LAMC3: variants seen among roughly 807,000 people sequenced by gnomAD.
LAMC3 encodes the protein laminin subunit gamma-3.
Under a neutral mutation model 173.8 loss-of-function variants are expected in LAMC3, and 128 were observed. That is an observed-to-expected ratio of 0.74 (90% CI 0.64 to 0.85). The LOEUF (loss-of-function observed/expected upper bound fraction) is 0.85, where lower values mean the gene tolerates loss of function less well. Among genes scored for constraint, LAMC3 ranks in the 40% least tolerant of loss-of-function variants. The pLI, the probability that LAMC3 is intolerant of heterozygous loss-of-function variation, is 0.00. For synonymous variants in LAMC3, 897 were observed against 909.1 expected, an observed-to-expected ratio of 0.99 and a Z score of 0.24; for missense variants, 2,022 against 2,156.0, an observed-to-expected ratio of 0.94 and a Z score of 1.23.
intron 13 of LAMC3, among the ~76,000 whole-genome samples, chr9:131,064,069 G>A (rs900824225): frequency 6.6e-6 from 1 of 152,014 alleles, no homozygotes; most frequent in Non-Finnish European, 1.5e-5. Flanking sequence ...CACCATGCCC[G>A]GCTAATGTTT....
At chr9:131,036,442 G>C (rs1833947340) in intron 4 of LAMC3, 110 bp downstream of exon 4, 1 of 1,171,198 alleles carries the variant, frequency 8.5e-7, no homozygotes, top group African/African-American at 1.5e-5. Flanking sequence ...TACGCCCCGG[G>C]GGCAGCTCGG....
Position 131,067,163 on chromosome 9 carries a change from T to C in LAMC3, c.2551T>C (p.Tyr851His). Residue 851 changes from tyrosine to histidine, a missense_variant, in exon 14 of 28, where the codon TAC becomes CAC. Transcript: ENST00000361069. ...DHCEHCQEGF[Y>H]GSALAPRPAD... The stretch of plus-strand genomic sequence containing the variant: ...CTGTGAGCACTGTCAGGAAGGCTTC[T>C]ACGGGAGCGCCCTGGCCCCTCGACC... 1.2e-6 allele frequency: 2 copies of C among 1,614,168 alleles called. No individual in the cohort carries two copies. Among genetic ancestry groups the C allele is most frequent in the Non-Finnish European group, 1.7e-6 (2 of 1,180,034 alleles).
At chr9:131,089,144 G>A (rs1056061805) in intron 27 of LAMC3, among the ~76,000 whole-genome samples, 2 of 140,590 alleles carry the variant, frequency 1.4e-5, no homozygotes, top group African/African-American at 5.4e-5. Context: ...TCAGACACAG[G>A]GTGGGGAACA....
At chr9:131,057,844 C>T (rs1293307287) in intron 12 of LAMC3, among the ~76,000 whole-genome samples, 1 of 152,252 alleles carries the variant, frequency 6.6e-6, no homozygotes, top group Non-Finnish European at 1.5e-5. Context: ...ATGAAAGTCT[C>T]TACTTTTCAG....
chr9:131,068,045 G>C, intron 14 of LAMC3, 33 bp from the exon 15 acceptor site: 3 of 1,604,270 alleles, frequency 1.9e-6, no homozygotes, highest in Non-Finnish European at 2.5e-6. Flanking sequence ...AATCTGCATT[G>C]TTCCCAACAC....
At chr9:131,045,221 C>CAAAA (rs58637956) in intron 7 of LAMC3, among the ~76,000 whole-genome samples, 13 of 111,976 alleles carry the variant, frequency 1.2e-4, no homozygotes, top group East Asian at 7.4e-4. Context: ...GACTCTGTCT[C>CAAAA]AAAAAAAAAA....
At chr9:131,065,991 G>C (rs1231152124) in intron 13 of LAMC3, among the ~76,000 whole-genome samples, 1 of 152,104 alleles carries the variant, frequency 6.6e-6, no homozygotes, top group Non-Finnish European at 1.5e-5. Flanking sequence ...TCAGGAGTTC[G>C]AGACCAGCAG....
chr9:131,012,983 A>G (rs1211573267), intron 1 of LAMC3, among the ~76,000 whole-genome samples: 1 of 152,202 alleles, frequency 6.6e-6, no homozygotes, highest in African/African-American at 2.4e-5. Flanking sequence ...CCAGCCCACC[A>G]CCAAGGCCCA....
At chr9:131,032,927 C>T (rs1833870758) in intron 3 of LAMC3, among the ~76,000 whole-genome samples, 1 of 152,246 alleles carries the variant, frequency 6.6e-6, no homozygotes, top group African/African-American at 2.4e-5. Context: ...CTTGGCCTCC[C>T]AAAGTGCTGG....
Position 131,069,737 on chromosome 9 carries a change from A to C in LAMC3, c.2956A>C (p.Arg986=). ...QCHENGTCVC[R]PGFEGYKCDR... ...CCACGAGAACGGCACATGCGTGTGC[A>C]GGCCTGGCTTCGAGGGCTACAAATG... is the stretch of plus-strand genomic sequence containing the variant. Residue 986 remains arginine (R), a synonymous_variant, in exon 17 of 28, where the codon AGG becomes CGG. Coordinates refer to ENST00000361069, the MANE Select transcript of LAMC3 (RefSeq NM_006059.4). 6.2e-7 allele frequency: 1 copy of C among 1,601,870 alleles called. No homozygotes were observed. Among genetic ancestry groups the C allele is most frequent in the Non-Finnish European group, 8.5e-7 (1 of 1,175,114 alleles).
At position 131,069,743 on chromosome 9, in the gene LAMC3, G is replaced by A; in HGVS notation, c.2962G>A (p.Gly988Ser). 1 of 1,599,418 alleles carries A rather than the reference G, an allele frequency of 6.3e-7. No homozygotes were observed. The stretch of plus-strand genomic sequence containing the variant: ...GAACGGCACATGCGTGTGCAGGCCT[G>A]GCTTCGAGGGCTACAAATGTGACCG... ...HENGTCVCRP[G>S]FEGYKCDRCH... The change falls in exon 17 of 28, where the codon GGC becomes AGC. Residue 988 changes from glycine to serine, a missense_variant. By Grantham distance (56) the Gly-to-Ser change is moderately conservative (BLOSUM62 0). Transcript: ENST00000361069.
At chr9:131,050,987 A>G (rs1401437738) in intron 9 of LAMC3, among the ~76,000 whole-genome samples, 1 of 152,094 alleles carries the variant, frequency 6.6e-6, no homozygotes, top group Admixed American at 6.5e-5. Context: ...CAGCCGGGGC[A>G]TGTGGCCACC....
chr9:131,092,079 CTG>C lies in LAMC3; in HGVS notation c.*298_*299del, dbSNP rs1398816879. On this transcript the variant is annotated 3_prime_UTR_variant, in exon 28 of 28. Transcript: ENST00000361069. ...AACATACACACGTGAGGGTGCATGT[CTG>C]TGTGTATGACCCACACGTGTTCAAG... 6 of 493,920 alleles carry C rather than the reference CTG, an allele frequency of 1.2e-5. No individual in the cohort carries two copies. The highest frequency in any genetic ancestry group is 7.8e-5 in the African/African-American group (4 of 51,534). 30.6% of individuals were successfully genotyped at this position (493,920 alleles called of 1,614,324 possible).
At chr9:131,065,411 C>T (rs1281815063) in intron 13 of LAMC3, among the ~76,000 whole-genome samples, 1 of 152,060 alleles carries the variant, frequency 6.6e-6, no homozygotes, top group South Asian at 2.1e-4. Context: ...GTTCAGAAAA[C>T]ATGAGAAACA....
intron 1 of LAMC3, among the ~76,000 whole-genome samples, chr9:131,024,687 G>C (rs752514278): frequency 4.6e-5 from 7 of 152,312 alleles, no homozygotes; most frequent in Non-Finnish European, 7.3e-5. Flanking sequence ...TGCGTGGGCC[G>C]TTCTTCCCTT....
intron 8 of LAMC3, among the ~76,000 whole-genome samples, chr9:131,046,760 A>G (rs1432137679): frequency 1.3e-5 from 2 of 152,016 alleles, no homozygotes; most frequent in African/African-American, 4.8e-5. Context: ...GGAGCTCTGC[A>G]TTAAACCAGA....
rs199754227 is a variant in LAMC3, at chr9:131,066,516, TATAAG to T, written c.2348-443_2348-439del. Among the ~76,000 whole-genome samples, 837 of 149,256 alleles carry T rather than the reference TATAAG, an allele frequency of 5.6e-3. 3 individuals are homozygous for T. Among genetic ancestry groups the T allele is most frequent in the Middle Eastern group, 0.02 (6 of 294 alleles). On this transcript the variant is annotated intron_variant, in intron 13 of 27. Coordinates refer to ENST00000361069, the MANE Select transcript of LAMC3 (RefSeq NM_006059.4). ...TCAATAATAATAATAATAATAATAA[TATAAG>T]GATGATGATGAAGAAGGTCATGGTG...
chr9:131,025,309 AC>A (rs1332998575), intron 1 of LAMC3, among the ~76,000 whole-genome samples: 12 of 149,306 alleles, frequency 8.0e-5, no homozygotes, highest in African/African-American at 2.0e-4. Flanking sequence ...GGAATTGGGA[AC>A]CCCCTTCCCT....
In LAMC3 at chr9:131,036,248, G is replaced by T. The variant is rs770821992; in HGVS notation, c.892G>T (p.Gly298Cys). Residue 298 changes from glycine to cysteine, a missense_variant, in exon 4 of 28, where the codon GGC (glycine) becomes TGC (cysteine). By Grantham distance (159) the Gly-to-Cys change is radical. Transcript: ENST00000361069. The stretch of plus-strand genomic sequence containing the variant: ...CTGCCGGTGCCAGCACAACACCACC[G>T]GCACAGACTGTGAGCGCTGCCTGCC... ...LACRCQHNTTGTDCERCLPFF... is the reference protein window; with the variant it reads ...LACRCQHNTTCTDCERCLPFF... The T allele has an allele frequency of 6.2e-7, 1 of 1,613,162 alleles. No individual in the cohort carries two copies. Among genetic ancestry groups the T allele is most frequent in the East Asian group, 2.2e-5 (1 of 44,848 alleles).
Sources: gnomAD v4.1 joint callset for allele counts (sites outside exome capture counted in the v4.1 genomes callset) on GRCh38, gnomAD v4.1.1 for gene constraint, MANE v1.5 for transcripts, NCBI Gene and HGNC (gene_info 2026-07-23, HGNC 2026-07-21) for gene names.